The following AGPAT3 variants were observed in gnomAD, a reference collection of about 807,000 sequenced individuals.
AGPAT3 encodes the protein 1-acylglycerol-3-phosphate O-acyltransferase 3, also known as 1-acyl-sn-glycerol-3-phosphate acyltransferase gamma.
A neutral mutation model predicts 47.3 loss-of-function variants in AGPAT3; 5 were observed. The ratio of observed to expected loss-of-function variants is 0.11; its 90% CI spans 0.06 to 0.22. AGPAT3 has a LOEUF of 0.22. Among genes scored for constraint, AGPAT3 ranks in the 10% least tolerant of loss-of-function variants. The probability of loss-of-function intolerance (pLI) is 1.00; values close to 1 mark genes in which losing one functional copy is unlikely to be tolerated. For synonymous variants in AGPAT3, 212 were observed against 208.3 expected (o/e 1.02, Z -0.15); for missense variants, 315 against 493.0 (o/e 0.64, Z 3.42).
chr21:43,933,579 C>T lies in AGPAT3; in HGVS notation c.-48-26055C>T, dbSNP rs1265782764. Among the ~76,000 whole-genome samples the T allele has an allele frequency of 2.0e-5, 3 of 152,020 alleles. No homozygotes were observed. Among genetic ancestry groups the T allele is most frequent in the East Asian group, 1.9e-4 (1 of 5,194 alleles). ...TCTTTGGTTCTCCATAGCCTGCTGG[C>T]GTCCATGTGTTTTTATTCTTTCTTT... is the stretch of plus-strand genomic sequence containing the variant. On this transcript the variant is annotated intron_variant, in intron 2 of 9. Transcript: ENST00000291572. The surrounding 1 kb of genome is among the most constrained non-coding windows in gnomAD (Gnocchi z 6.0).
chr21:43,927,925 C>T (rs1480567665), intron 2 of AGPAT3, among the ~76,000 whole-genome samples: 1 of 152,134 alleles, frequency 6.6e-6, no homozygotes, highest in African/African-American at 2.4e-5. Flanking sequence ...TAGGAGGCCA[C>T]ACAATTCAAG....
chr21:43,903,173 G>A (rs891617318), intron 1 of AGPAT3, among the ~76,000 whole-genome samples: 2 of 152,196 alleles, frequency 1.3e-5, no homozygotes, highest in African/African-American at 4.8e-5. Context: ...GACAAATAGT[G>A]TATGATTCCA....
At chr21:43,980,286 AAAAAAC>A (rs2089797390) in intron 8 of AGPAT3, among the ~76,000 whole-genome samples, 1 of 149,128 alleles carries the variant, frequency 6.7e-6, no homozygotes, top group African/African-American at 2.5e-5. Flanking sequence ...AAAAAAAAAA[AAAAAAC>A]AAAAAAAAAC....
rs1295150062 is a variant in AGPAT3, at chr21:43,920,982, G to A, written c.-49+16963G>A. 1.1e-4 allele frequency among the ~76,000 whole-genome samples: 16 copies of A among 152,084 alleles called. No homozygotes were observed. Among genetic ancestry groups the A allele is most frequent in the African/African-American group, 3.6e-4 (15 of 41,426 alleles). ...CAAAAACTTAGCCGGGCGTGGTGGC[G>A]GGCACCTGTAGTTCCAGCTACTCAG... On this transcript the variant is annotated intron_variant, in intron 2 of 9. Transcript: ENST00000291572. This position sits in a 1 kb window ranked among gnomAD's most constrained non-coding sequence, Gnocchi z 6.1.
Position 43,955,929 on chromosome 21 carries a change from A to T in AGPAT3, c.-48-3705A>T, listed in dbSNP as rs1466510270. On this transcript the variant is annotated intron_variant, in intron 2 of 9. Transcript: ENST00000291572. This position sits in a 1 kb window ranked among gnomAD's most constrained non-coding sequence, Gnocchi z 4.1. ...AAAAAAAAAAAAATCAGATTCCTGT[A>T]CTTTGCGCCGTAGCAACGGAATCAG... 6.6e-6 allele frequency among the ~76,000 whole-genome samples: 1 copy of T among 151,162 alleles called. No individual in the cohort carries two copies. Among genetic ancestry groups the T allele is most frequent in the Non-Finnish European group, 1.5e-5 (1 of 67,904 alleles).
At chr21:43,897,464 G>A (rs938975434) in intron 1 of AGPAT3, among the ~76,000 whole-genome samples, 3 of 152,044 alleles carry the variant, frequency 2.0e-5, no homozygotes, top group Non-Finnish European at 4.4e-5. Context: ...CTCGATGGTC[G>A]CTGTCCCTTC....
At chr21:43,976,073 A>T (rs76369045) in intron 7 of AGPAT3, among the ~76,000 whole-genome samples, 8,778 of 136,508 alleles carry the variant, frequency 0.064, 734 homozygotes, top group African/African-American at 0.2. Context: ...AATGATTTTT[A>T]TTTTTTTTTT....
intron 2 of AGPAT3, among the ~76,000 whole-genome samples, chr21:43,956,642 G>A (rs1323358788): frequency 6.6e-6 from 1 of 152,232 alleles, no homozygotes; most frequent in Non-Finnish European, 1.5e-5. Context: ...CCCACAGTGT[G>A]TGGAGTCAGC....
At chr21:43,906,145 A>G (rs1261727894) in intron 2 of AGPAT3, among the ~76,000 whole-genome samples, 4 of 152,212 alleles carry the variant, frequency 2.6e-5, no homozygotes, top group East Asian at 1.9e-4. Flanking sequence ...GGTTGGAAAC[A>G]TTGTGTCTTT....
intron 3 of AGPAT3, 80 bp downstream of exon 3, chr21:43,959,939 G>A: frequency 6.9e-7 from 1 of 1,455,720 alleles, no homozygotes; most frequent in Non-Finnish European, 9.3e-7. Flanking sequence ...GCAGCCGTGG[G>A]CTCTCAGGCA....
At chr21:43,975,497 A>G (rs1233132309) in intron 7 of AGPAT3, among the ~76,000 whole-genome samples, 1 of 152,152 alleles carries the variant, frequency 6.6e-6, no homozygotes, top group East Asian at 1.9e-4. Flanking sequence ...CATAGGTGGA[A>G]TCCTCATACA....
rs572590950 is a variant in AGPAT3, at chr21:43,970,117, T to G, written c.511-536T>G. On this transcript the variant is annotated intron_variant, in intron 5 of 9. Transcript: ENST00000291572. The surrounding 1 kb of genome is among the most constrained non-coding windows in gnomAD (Gnocchi z 5.8). Reference sequence around the variant, plus strand: ...TCTGCCTCCCGGGTTCCAGCAGTTCTCCTCTCTCAGCCTCCAAGTTGCTGG... The same window carrying G: ...TCTGCCTCCCGGGTTCCAGCAGTTCGCCTCTCTCAGCCTCCAAGTTGCTGG... Among the ~76,000 whole-genome samples the G allele has an allele frequency of 6.0e-5, 9 of 149,182 alleles. No individual in the cohort carries two copies. The highest frequency in any genetic ancestry group is 1.2e-4 in the Non-Finnish European group (8 of 67,966).
intron 2 of AGPAT3, among the ~76,000 whole-genome samples, chr21:43,943,686 G>A (rs2087751409): frequency 6.6e-6 from 1 of 152,292 alleles, no homozygotes; most frequent in South Asian, 2.1e-4. Context: ...CACGGCCTGT[G>A]TCACGGAGGA....
chr21:43,936,789 T>C (rs1275907766), intron 2 of AGPAT3, among the ~76,000 whole-genome samples: 1 of 152,236 alleles, frequency 6.6e-6, no homozygotes, highest in Admixed American at 6.5e-5. Flanking sequence ...GGCTCTCCCG[T>C]GTCAGCTCCG....
intron 7 of AGPAT3, among the ~76,000 whole-genome samples, chr21:43,974,442 G>A (rs1338605856): frequency 4.0e-5 from 6 of 150,784 alleles, no homozygotes; most frequent in Admixed American, 4.0e-4. Context: ...ACTGTGTGTG[G>A]TATGTGTGTA....
At position 43,955,106 on chromosome 21, in the gene AGPAT3, G is replaced by A. The variant is rs1391042682; in HGVS notation, c.-48-4528G>A. 1 of 1,270,068 alleles carries A rather than the reference G, an allele frequency of 7.9e-7. No individual in the cohort carries two copies. The highest frequency in any genetic ancestry group is 1.0e-6 in the Non-Finnish European group (1 of 976,890). 78.7% of individuals were successfully genotyped at this position (1,270,068 alleles called of 1,614,324 possible). ...TGTCGGCAGGGAGCGTATCACCGTG[G>A]CACGTCCATGCCGTGGGGGTCACTC... On this transcript the variant is annotated intron_variant, in intron 2 of 9. Transcript: ENST00000291572. The surrounding 1 kb of genome is among the most constrained non-coding windows in gnomAD (Gnocchi z 4.1).
chr21:43,889,999 G>A (rs2086066113), intron 1 of AGPAT3, among the ~76,000 whole-genome samples: 1 of 148,572 alleles, frequency 6.7e-6, no homozygotes, highest in South Asian at 2.1e-4. Context: ...TAACATTTTG[G>A]ATCTGTGTCC....
At chr21:43,957,624 C>A (rs1270110106) in intron 2 of AGPAT3, among the ~76,000 whole-genome samples, 3 of 149,580 alleles carry the variant, frequency 2.0e-5, no homozygotes, top group Non-Finnish European at 4.5e-5. Context: ...TCGGGTTTCC[C>A]CCTGCACACA....
In AGPAT3 at chr21:43,970,792, GC is replaced by G. The variant is rs2089361560; in HGVS notation, c.652del (p.Leu218SerfsTer11). Reference protein sequence around the residue: ...RTKGFTTAVKCLRGTVAAVYD... With the variant: ...RTKGFTTAVKXLRGTVAAVYD... ...AAGGGCTTCACCACCGCAGTCAAGT[GC>G]CTCCGGGGGACAGGTAGGCCCCAGA... On this transcript the variant is annotated frameshift_variant, in exon 6 of 10. Transcript: ENST00000291572. LOFTEE classifies it high-confidence loss of function. This position sits in a 1 kb window ranked among gnomAD's most constrained non-coding sequence, Gnocchi z 5.8. 1 of 1,584,990 alleles carries G rather than the reference GC, an allele frequency of 6.3e-7. No individual in the cohort carries two copies. The highest frequency in any genetic ancestry group is 8.6e-7 in the Non-Finnish European group (1 of 1,160,240).
Sources: gnomAD v4.1 joint callset for allele counts (sites outside exome capture counted in the v4.1 genomes callset) on GRCh38, gnomAD v4.1.1 for gene constraint, Gnocchi (gnomAD v3.1) non-coding constraint, MANE v1.5 for transcripts, NCBI Gene and HGNC (gene_info 2026-07-23, HGNC 2026-07-21) for gene names.